Variants in AKAP11 observed in about 807,000 individuals in gnomAD.
The protein encoded by AKAP11 is A-kinase anchor protein 11.
Under a neutral mutation model 146.1 loss-of-function variants are expected in AKAP11, and 36 were observed. That is an observed-to-expected ratio of 0.25 (90% CI 0.19 to 0.33). The LOEUF is 0.33. Among genes scored for constraint, AKAP11 ranks in the 10% least tolerant of loss-of-function variants. AKAP11 has a pLI of 1.00. For missense variants in AKAP11, 2,201 were observed against 2,197.0 expected (o/e 1.00, Z -0.04); for synonymous variants, 780 against 786.5 (o/e 0.99, Z 0.14).
At chr13:42,307,911 C>G (rs1303659741) in intron 8 of AKAP11, among the ~76,000 whole-genome samples, 3 of 152,032 alleles carry the variant, frequency 2.0e-5, no homozygotes, top group Admixed American at 6.5e-5. Flanking sequence ...AATGGACTTT[C>G]TTGTGATGAT....
Position 42,313,072 on chromosome 13 carries a change from A to C in AKAP11, c.5299A>C (p.Ser1767Arg). 1 of 1,613,492 alleles carries C rather than the reference A, an allele frequency of 6.2e-7. No homozygotes were observed. Among genetic ancestry groups the C allele is most frequent in the Non-Finnish European group, 8.5e-7 (1 of 1,179,782 alleles). The change falls in exon 10 of 13, where the codon AGT becomes CGT. Residue 1767 changes from serine to arginine, a missense_variant. By Grantham distance (110) the Ser-to-Arg change is moderately radical (BLOSUM62 -1). Coordinates refer to ENST00000025301, the MANE Select transcript of AKAP11 (RefSeq NM_016248.4). ...TAATGGTAACAGCAGTAGCTGGAGC[A>C]GTCTTGGTTTAGAAGGAGATTTGTA... Reference protein sequence around the residue: ...ESNGNSSSWSSLGLEGDLYED... With the variant: ...ESNGNSSSWSRLGLEGDLYED...
intron 10 of AKAP11, 53 bp downstream of exon 10, chr13:42,313,183 T>C: frequency 7.6e-7 from 1 of 1,319,380 alleles, no homozygotes; most frequent in Non-Finnish European, 1.1e-6. Context: ...CACTAATGCA[T>C]GATGTCATAT....
intron 10 of AKAP11, 120 bp from the exon 11 acceptor site, chr13:42,313,774 T>C: frequency 2.6e-6 from 2 of 774,218 alleles, no homozygotes; most frequent in Non-Finnish European, 4.0e-6. Flanking sequence ...ATTTCTCCCC[T>C]TTCTAAATGT....
chr13:42,278,788 TA>T (rs1159424607), intron 1 of AKAP11, among the ~76,000 whole-genome samples: 1 of 152,246 alleles, frequency 6.6e-6, no homozygotes, highest in Admixed American at 6.5e-5. Context: ...GGTATTGTTT[TA>T]CTTTGCCTGA....
chr13:42,315,629 T>C (rs991496130), intron 11 of AKAP11, among the ~76,000 whole-genome samples: 1 of 152,220 alleles, frequency 6.6e-6, no homozygotes, highest in African/African-American at 2.4e-5. Context: ...AGATTACTTT[T>C]GGCACTAACC....
intron 4 of AKAP11, among the ~76,000 whole-genome samples, chr13:42,294,562 C>T (rs771562531): frequency 3.9e-5 from 6 of 151,982 alleles, no homozygotes; most frequent in Non-Finnish European, 7.4e-5. Context: ...ACCACCATGC[C>T]TGGCTAATTT....
At chr13:42,274,167 T>A (rs1958853661) in intron 1 of AKAP11, among the ~76,000 whole-genome samples, 1 of 152,190 alleles carries the variant, frequency 6.6e-6, no homozygotes, top group Admixed American at 6.5e-5. Flanking sequence ...TTGTTTTTTT[T>A]CCTGTCTTGT....
Position 42,286,390 on chromosome 13 carries a change from T to C in AKAP11, c.42T>C (p.Ser14=), listed in dbSNP as rs755730285. 3 of 1,600,542 alleles carry C rather than the reference T, an allele frequency of 1.9e-6. No individual in the cohort carries two copies. Among genetic ancestry groups the C allele is most frequent in the South Asian group, 2.3e-5 (2 of 88,044 alleles). ...ACAATCACATGAAGACTAAAGCATC[T>C]GTCAGAAAAGTAAGTTCACTCTATT... is the stretch of plus-strand genomic sequence containing the variant. ...FRNNHMKTKA[S]VRKSFSEDVF... is the part of the protein sequence containing the mutation. The change falls in exon 3 of 13, where the codon TCT becomes TCC. Residue 14 remains serine (S), a synonymous_variant. Transcript: ENST00000025301.
rs183477893 is a variant in AKAP11 at position 42,315,525 on chromosome 13, T to C, written c.5404+1585T>C. ...TAAATGCATGTGGTTACGTATTCTCTAATGAACTAGCGATTGTTTAACTAG... is the reference window on the plus strand; with the variant it reads ...TAAATGCATGTGGTTACGTATTCTCCAATGAACTAGCGATTGTTTAACTAG... On this transcript the variant is annotated intron_variant, in intron 11 of 12. Transcript: ENST00000025301. 1.3e-3 allele frequency among the ~76,000 whole-genome samples: 176 copies of C among 140,474 alleles called. 1 individual carries two copies. The highest frequency in any genetic ancestry group is 2.1e-3 in the Non-Finnish European group (134 of 64,522). 92.2% of individuals were successfully genotyped at this position (140,474 alleles called of 152,430 possible). A position where few individuals can be genotyped will look rare whatever the true frequency, so the allele number is the denominator to read the frequency against.
intron 9 of AKAP11, among the ~76,000 whole-genome samples, chr13:42,310,062 A>G (rs1362878836): frequency 6.6e-6 from 1 of 152,240 alleles, no homozygotes; most frequent in Non-Finnish European, 1.5e-5. Context: ...AAAGAATCTC[A>G]TTAACAGAAC....
At chr13:42,273,099 A>C (rs1045514758) in intron 1 of AKAP11, among the ~76,000 whole-genome samples, 11 of 152,172 alleles carry the variant, frequency 7.2e-5, no homozygotes, top group Non-Finnish European at 2.9e-5. Context: ...CTTTAGTACA[A>C]ACTGGAGTTA....
In AKAP11 at chr13:42,299,601, T is replaced by C. The variant is rs147436453; in HGVS notation, c.855T>C (p.Ser285=). The C allele has an allele frequency of 6.2e-7, 1 of 1,614,026 alleles. No homozygotes were observed. The highest frequency in any genetic ancestry group is 8.5e-7 in the Non-Finnish European group (1 of 1,179,900). ...PWTQRSFYRS[S]NASDKDSDLQ... is the part of the protein sequence containing the mutation. ...CCCAAAGGAGTTTCTATAGGTCATC[T>C]AATGCTTCAGATAAAGATAGTGATT... is the stretch of plus-strand genomic sequence containing the variant. The change falls in exon 8 of 13, where the codon TCT becomes TCC. Residue 285 remains serine, a synonymous_variant. Coordinates refer to ENST00000025301, the MANE Select transcript of AKAP11 (RefSeq NM_016248.4).
rs536539482 is a variant in AKAP11, at chr13:42,300,188, A to T, written c.1442A>T (p.His481Leu). Residue 481 changes from histidine to leucine, a missense_variant, in exon 8 of 13, where the codon CAT becomes CTT. Around this residue, in one of 3 missense-constraint regions of AKAP11, gnomAD observed 1,867 missense variants for 1,833.5 expected, o/e 1.02. Transcript: ENST00000025301. ...GGTGGAGATAGGATTCATGAAAATC[A>T]TGATTCTGTTTATTACACCTATGAA... is the stretch of plus-strand genomic sequence containing the variant. ...DIGGDRIHEN[H>L]DSVYYTYEDY... 6.2e-7 allele frequency: 1 copy of T among 1,613,848 alleles called. No individual in the cohort carries two copies. Among genetic ancestry groups the T allele is most frequent in the East Asian group, 2.2e-5 (1 of 44,904 alleles).
At chr13:42,309,986 C>T (rs917959394) in intron 9 of AKAP11, among the ~76,000 whole-genome samples, 2 of 152,084 alleles carry the variant, frequency 1.3e-5, no homozygotes, top group Admixed American at 1.3e-4. Flanking sequence ...TTGGTTCTGT[C>T]CTCCTTAGCA....
chr13:42,319,445 C>A lies in AKAP11; in HGVS notation c.*217C>A. 1.7e-6 allele frequency: 1 copy of A among 588,254 alleles called. No individual in the cohort carries two copies. 36.4% of individuals were successfully genotyped at this position (588,254 alleles called of 1,614,324 possible). A position where few individuals can be genotyped will look rare whatever the true frequency, so the allele number is the denominator to read the frequency against. ...TACTACCTTCATTTATTCTTCTATACACATGTGTAGTGTGTCAAGACCCTA... is the reference window on the plus strand; with the variant it reads ...TACTACCTTCATTTATTCTTCTATAAACATGTGTAGTGTGTCAAGACCCTA... On this transcript the variant is annotated 3_prime_UTR_variant, in exon 13 of 13. Transcript: ENST00000025301.
chr13:42,297,081 A>G lies in AKAP11; in HGVS notation c.250A>G (p.Ile84Val). The change falls in exon 6 of 13, where the codon ATT becomes GTT. Residue 84 changes from isoleucine to valine, a missense_variant. By Grantham distance (29) the Ile-to-Val change is conservative (BLOSUM62 3). Transcript: ENST00000025301. ...LAAVSLELPD[I>V]LNSLHFCSLN... ...TGCAGTTTCTTTGGAACTTCCAGAT[A>G]TTCTGAATTCACTCCACTTCTGCAG... The G allele has an allele frequency of 1.3e-6, 2 of 1,590,904 alleles. No homozygotes were observed. Among genetic ancestry groups the G allele is most frequent in the African/African-American group, 1.4e-5 (1 of 73,452 alleles).
chr13:42,294,442 G>T (rs1411737261), intron 4 of AKAP11, among the ~76,000 whole-genome samples: 1 of 151,642 alleles, frequency 6.6e-6, no homozygotes, highest in East Asian at 1.9e-4. Context: ...TTGCCCTGCT[G>T]CCCAGGCTGG....
chr13:42,272,085 T>TGGGCA (rs1328922467), upstream of AKAP11: 3 of 12,558 alleles, frequency 2.4e-4, no homozygotes. Flanking sequence ...AGCCGAGGGG[T>TGGGCA]GGGCAGGGCG....
At chr13:42,279,281 ACT>A (rs71761653) in intron 1 of AKAP11, among the ~76,000 whole-genome samples, 1,892 of 146,668 alleles carry the variant, frequency 0.013, 34 homozygotes, top group African/African-American at 0.044. Context: ...ACACACACAC[ACT>A]CTCTCTCTCT....
Sources: gnomAD v4.1 joint callset for allele counts (sites outside exome capture counted in the v4.1 genomes callset) on GRCh38, gnomAD v4.1.1 for gene constraint, gnomAD v4.1.1 regional missense constraint, MANE v1.5 for transcripts, NCBI Gene and HGNC (gene_info 2026-07-23, HGNC 2026-07-21) for gene names.